The following RHBDL3 variants were observed in gnomAD, a reference collection of about 807,000 sequenced individuals.
RHBDL3 encodes rhomboid-related protein 3.
Under a neutral mutation model 48.2 loss-of-function variants are expected in RHBDL3, and 28 were observed. The observed-to-expected ratio is 0.58, with a 90% CI of 0.43 to 0.80. The LOEUF (loss-of-function observed/expected upper bound fraction) is 0.80. Ranked by LOEUF, RHBDL3 falls within the 30% of genes least tolerant of loss-of-function variation. RHBDL3 has a pLI of 0.00. For missense variants in RHBDL3, 464 were observed against 542.7 expected, an observed-to-expected ratio of 0.85 and a Z score of 1.44; for synonymous variants, 208 against 232.3, an observed-to-expected ratio of 0.90 and a Z score of 0.95.
At chr17:32,294,247 T>A (rs958135025) in intron 4 of RHBDL3, 47 bp from the exon 5 acceptor site, 2 of 1,577,382 alleles carry the variant, frequency 1.3e-6, no homozygotes, top group Non-Finnish European at 1.7e-6. Context: ...ACAGGAAGTT[T>A]CCTGGGCAGT....
In RHBDL3 at chr17:32,284,701, C is replaced by T. The variant is rs748181433; in HGVS notation, c.178C>T (p.Arg60Trp). Residue 60 changes from arginine (R) to tryptophan (W), a missense_variant, in exon 3 of 9, where the codon CGG becomes TGG. By Grantham distance (101) the Arg-to-Trp change is moderately radical (BLOSUM62 -3). Transcript: ENST00000269051. Reference protein sequence around the residue: ...NTGYISTGKFRSLLESHSSKL... With the variant: ...NTGYISTGKFWSLLESHSSKL... ...AGGCTACATTAGCACAGGCAAGTTCCGGAGTCTTCTGGAGAGCCACAGCTC... is the reference window on the plus strand; with the variant it reads ...AGGCTACATTAGCACAGGCAAGTTCTGGAGTCTTCTGGAGAGCCACAGCTC... The T allele has an allele frequency of 2.1e-5, 34 of 1,614,166 alleles. No homozygotes were observed. The highest frequency in any genetic ancestry group is 1.5e-4 in the Admixed American group (9 of 60,018).
Position 32,295,991 on chromosome 17 carries a change from C to T in RHBDL3, c.668+1549C>T, listed in dbSNP as rs528068406. On this transcript the variant is annotated intron_variant, in intron 5 of 8. Transcript: ENST00000269051. ...CCTGTAATCCCAGCACTTTGGGGGG[C>T]CAAGGCAGGCGGATCACGAGGTCAG... Among the ~76,000 whole-genome samples the T allele has an allele frequency of 3.9e-5, 6 of 152,130 alleles. No homozygotes were observed. In the East Asian group the frequency reaches 1.2e-3, roughly 30 times the overall value.
At chr17:32,293,087 T>G (rs756210736) in intron 4 of RHBDL3, among the ~76,000 whole-genome samples, 1 of 149,060 alleles carries the variant, frequency 6.7e-6, no homozygotes, top group African/African-American at 2.5e-5. Flanking sequence ...AGACAAATAC[T>G]GTATGATTCC....
At chr17:32,296,747 A>G (rs1266007346) in intron 5 of RHBDL3, among the ~76,000 whole-genome samples, 4 of 151,648 alleles carry the variant, frequency 2.6e-5, no homozygotes, top group Non-Finnish European at 4.4e-5. Flanking sequence ...TTTTGAGAAC[A>G]TATTTTTCTT....
intron 6 of RHBDL3, among the ~76,000 whole-genome samples, chr17:32,305,136 A>G (rs1371589975): frequency 6.8e-6 from 1 of 148,000 alleles, no homozygotes; most frequent in Non-Finnish European, 1.5e-5. Flanking sequence ...AGAAAGAAAG[A>G]AAAGGAAAGG....
intron 7 of RHBDL3, among the ~76,000 whole-genome samples, chr17:32,314,651 A>G (rs2040927293): frequency 6.6e-6 from 1 of 152,162 alleles, no homozygotes; most frequent in African/African-American, 2.4e-5. Flanking sequence ...CTTGTTGGCT[A>G]CTTGGCAGTG....
Position 32,300,464 on chromosome 17 carries a change from G to A in RHBDL3, c.781+2260G>A, listed in dbSNP as rs373968283. Among the ~76,000 whole-genome samples, 50 of 152,158 alleles carry A rather than the reference G, an allele frequency of 3.3e-4. No homozygotes were observed. The Middle Eastern group carries it at 0.01, about 31-fold the overall frequency. ...AGCTACTTGGGAGGCTGATGCAGGA[G>A]GATCGCTTGAGCCCAGAAGTGCAAG... is the stretch of plus-strand genomic sequence containing the variant. On this transcript the variant is annotated intron_variant, in intron 6 of 8. Transcript: ENST00000269051.
intron 2 of RHBDL3, 139 bp downstream of exon 2, chr17:32,268,064 G>C (rs1567758505): frequency 1.6e-5 from 12 of 751,132 alleles, no homozygotes; most frequent in Non-Finnish European, 2.7e-5. Context: ...TGCATCTCTA[G>C]GGCTGAACGA....
At chr17:32,268,256 G>C (rs531698669) in intron 2 of RHBDL3, among the ~76,000 whole-genome samples, 1 of 152,286 alleles carries the variant, frequency 6.6e-6, no homozygotes, top group Non-Finnish European at 1.5e-5. Context: ...TGGAGAGGTG[G>C]GGGAAGGGCT....
chr17:32,289,025 A>G lies in RHBDL3; in HGVS notation c.519+9A>G. The stretch of plus-strand genomic sequence containing the variant: ...CAGTCACGCTGCTGGAGGCAAGGAC[A>G]AGGGTGGGGAGGGGGTTGCTCTGCC... On this transcript the variant is annotated intron_variant, in intron 4 of 8. Transcript: ENST00000269051. 4 of 1,612,660 alleles carry G rather than the reference A, an allele frequency of 2.5e-6. No individual in the cohort carries two copies. Among genetic ancestry groups the G allele is most frequent in the African/African-American group, 1.3e-5 (1 of 75,018 alleles).
At chr17:32,280,689 C>A (rs1355144716) in intron 2 of RHBDL3, 1 of 151,996 alleles carries the variant, frequency 6.6e-6, no homozygotes, top group Non-Finnish European at 1.5e-5. Context: ...TGACACAAAC[C>A]CTGGTTAGTG....
chr17:32,309,179 A>AGTGTGTGTGTGTGTGTGTGT (rs61558385), intron 7 of RHBDL3, among the ~76,000 whole-genome samples: 1 of 149,622 alleles, frequency 6.7e-6, no homozygotes, highest in Non-Finnish European at 1.5e-5. Context: ...GAAGGTTTGG[A>AGTGTGTGTGTGTGTGTGTGT]GTGTGTGTGT....
chr17:32,312,817 CTGT>C (rs905127179), intron 7 of RHBDL3, among the ~76,000 whole-genome samples: 9 of 152,076 alleles, frequency 5.9e-5, no homozygotes, highest in African/African-American at 2.2e-4. Context: ...CACACCTGGC[CTGT>C]TGTTTTTGAG....
chr17:32,313,751 CTTTTTTTT>C (rs559422433), intron 7 of RHBDL3, among the ~76,000 whole-genome samples: 24 of 98,636 alleles, frequency 2.4e-4, no homozygotes, highest in Admixed American at 5.7e-4. Flanking sequence ...AATTCCCTCC[CTTTTTTTT>C]TTTTTTTTTT....
chr17:32,291,627 G>A (rs2040331305), intron 4 of RHBDL3, among the ~76,000 whole-genome samples: 2 of 151,730 alleles, frequency 1.3e-5, no homozygotes, highest in Admixed American at 6.6e-5. Flanking sequence ...GTTGCAGTGA[G>A]CCGAGACTGT....
intron 7 of RHBDL3, among the ~76,000 whole-genome samples, chr17:32,308,935 A>G (rs4794916): frequency 0.53 from 80,569 of 151,698 alleles, 22,259 homozygotes; most frequent in Non-Finnish European, 0.6. Flanking sequence ...GTGTGGTGGT[A>G]CGTGCCTATA....
Position 32,320,945 on chromosome 17 carries a change from C to G in RHBDL3, c.944-13C>G. ...GCCCTCCTGTGACATCTCTCTGCTTCCTCCCCTTGCAGTGAGCATGGAGTT... is the reference window on the plus strand; with the variant it reads ...GCCCTCCTGTGACATCTCTCTGCTTGCTCCCCTTGCAGTGAGCATGGAGTT... On this transcript the variant is annotated splice_polypyrimidine_tract_variant and intron_variant, in intron 8 of 8. Transcript: ENST00000269051. The G allele has an allele frequency of 6.2e-7, 1 of 1,602,432 alleles. No individual in the cohort carries two copies. Among genetic ancestry groups the G allele is most frequent in the South Asian group, 1.1e-5 (1 of 90,610 alleles).
At chr17:32,300,185 C>A (rs1288788425) in intron 6 of RHBDL3, among the ~76,000 whole-genome samples, 2 of 152,184 alleles carry the variant, frequency 1.3e-5, no homozygotes, top group Admixed American at 1.3e-4. Context: ...GCTGTGATCT[C>A]AACCACTATA....
At chr17:32,309,486 A>T (rs2040789610) in intron 7 of RHBDL3, among the ~76,000 whole-genome samples, 1 of 151,958 alleles carries the variant, frequency 6.6e-6, no homozygotes, top group African/African-American at 2.4e-5. Context: ...CAGGAGGTGG[A>T]GGTTGTGGTG....
Sources: gnomAD v4.1 joint callset for allele counts (sites outside exome capture counted in the v4.1 genomes callset) on GRCh38, gnomAD v4.1.1 for gene constraint, MANE v1.5 for transcripts, NCBI Gene and HGNC (gene_info 2026-07-23, HGNC 2026-07-21) for gene names.